The following CYB5RL variants were observed in gnomAD, a reference collection of about 807,000 sequenced individuals.
CYB5RL encodes the protein NADH-cytochrome b5 reductase-like.
In CYB5RL, 38 loss-of-function variants were observed where a neutral mutation model predicts 37.5. The observed-to-expected ratio is 1.01, with a 90% confidence interval of 0.78 to 1.33. The LOEUF (loss-of-function observed/expected upper bound fraction) is 1.33. CYB5RL is among the 40% of genes most tolerant of loss of function. The pLI is 0.00. For synonymous variants in CYB5RL, 141 were observed against 151.9 expected (o/e 0.93, Z 0.53); for missense variants, 388 against 394.4 (o/e 0.98, Z 0.14).
chr1:54,190,731 C>T lies in CYB5RL; in HGVS notation c.347+17G>A, dbSNP rs751374326. On this transcript the variant is annotated intron_variant, in intron 4 of 7. Coordinates refer to ENST00000534324, the MANE Select transcript of CYB5RL (RefSeq NM_001031672.4). Reference sequence around the variant, plus strand: ...GCAGGGCTGTGAAGCTTTGGTCCTCCCGCTACCTGAGTGTACCGTAGGATG... The same window carrying T: ...GCAGGGCTGTGAAGCTTTGGTCCTCTCGCTACCTGAGTGTACCGTAGGATG... 3.2e-6 allele frequency: 5 copies of T among 1,551,758 alleles called. No homozygotes were observed. In the Admixed American group the frequency reaches 9.8e-5, roughly 30 times the overall value.
chr1:54,187,906 C>CACT, intron 4 of CYB5RL, 167 bp from the exon 5 acceptor site: 1 of 592,654 alleles, frequency 1.7e-6, no homozygotes, highest in East Asian at 2.9e-5. Flanking sequence ...TGAAACCCGT[C>CACT]ACTACTAAAA....
At position 54,199,975 on chromosome 1, in the gene CYB5RL, C is replaced by T; in HGVS notation, c.-223+1G>A. The T allele has an allele frequency of 2.0e-6, 1 of 502,536 alleles. No individual in the cohort carries two copies. The highest frequency in any genetic ancestry group is 2.9e-5 in the South Asian group (1 of 34,152). 31.1% of individuals were successfully genotyped at this position (502,536 alleles called of 1,614,324 possible). On this transcript the variant is annotated splice_donor_variant, in intron 1 of 7. Coordinates refer to ENST00000534324, the MANE Select transcript of CYB5RL (RefSeq NM_001031672.4). LOFTEE classifies it low-confidence loss of function (5UTR_SPLICE). The stretch of plus-strand genomic sequence containing the variant: ...ATTCTCCACCCACCACGACCACTCA[C>T]CTACTCGCCTGCGCTTCACCTCACG...
chr1:54,197,312 C>CTTT (rs199620217), intron 1 of CYB5RL, among the ~76,000 whole-genome samples: 7,306 of 128,456 alleles, frequency 0.057, 291 homozygotes, highest in Non-Finnish European at 0.082. Flanking sequence ...TTTTTCTTTT[C>CTTT]TTTTCTTTTT....
intron 5 of CYB5RL, among the ~76,000 whole-genome samples, chr1:54,186,791 C>T (rs1288549729): frequency 2.0e-5 from 3 of 151,990 alleles, no homozygotes; most frequent in African/African-American, 7.3e-5. Context: ...GGAGGCAGTG[C>T]TGAGGTCTCG....
intron 1 of CYB5RL, among the ~76,000 whole-genome samples, chr1:54,198,630 C>CTT (rs145616563): frequency 0.033 from 3,450 of 103,840 alleles, 340 homozygotes; most frequent in African/African-American, 0.1. Context: ...CATGCCCGGC[C>CTT]TTTTTTTTTT....
intron 6 of CYB5RL, chr1:54,180,312 C>A (rs1408532615): frequency 8.0e-6 from 3 of 375,840 alleles, no homozygotes; most frequent in Non-Finnish European, 1.5e-5. Context: ...GAATCTATTT[C>A]CAGGCTCTAG....
At chr1:54,185,563 C>T (rs1311933630) in intron 5 of CYB5RL, 1 of 152,254 alleles carries the variant, frequency 6.6e-6, no homozygotes, top group Non-Finnish European at 1.5e-5. Context: ...ATGGCCATCT[C>T]TGATATCATC....
intron 6 of CYB5RL, among the ~76,000 whole-genome samples, chr1:54,182,832 C>T (rs1355090825): frequency 2.0e-5 from 3 of 152,144 alleles, no homozygotes; most frequent in Non-Finnish European, 2.9e-5. Flanking sequence ...GGATTACAGG[C>T]GTGAGCCACT....
In CYB5RL at chr1:54,170,763, C is replaced by A; in HGVS notation, c.*3856G>T. On this transcript the variant is annotated 3_prime_UTR_variant, in exon 8 of 8. Coordinates refer to ENST00000534324, the MANE Select transcript of CYB5RL (RefSeq NM_001031672.4). ...GTTGCACTCATGTGTCACACACAAC[C>A]TTTACCACAATCACATGCTGGAACT... is the stretch of plus-strand genomic sequence containing the variant. 1.1e-5 allele frequency: 3 copies of A among 270,286 alleles called. No homozygotes were observed. The highest frequency in any genetic ancestry group is 4.3e-5 in the South Asian group (1 of 23,016). The allele number at this position is 270,286 out of a possible 1,614,324, so 16.7% of individuals were successfully genotyped here. A position where few individuals can be genotyped will look rare whatever the true frequency, so the allele number is the denominator to read the frequency against.
At chr1:54,199,718 A>T (rs1449625234) in intron 1 of CYB5RL, among the ~76,000 whole-genome samples, 1 of 152,206 alleles carries the variant, frequency 6.6e-6, no homozygotes, top group Non-Finnish European at 1.5e-5. Context: ...AGAGGTGTAC[A>T]GTGAGCAGTC....
At chr1:54,187,618 C>T (rs61775225) in intron 5 of CYB5RL, 34 bp downstream of exon 5, 149,439 of 1,595,166 alleles carry the variant, frequency 0.094, 7,767 homozygotes, top group South Asian at 0.11. Flanking sequence ...AGCTTCTCCA[C>T]GGCATCTTGG....
At chr1:54,186,806 C>G (rs1226721607) in intron 5 of CYB5RL, among the ~76,000 whole-genome samples, 5 of 151,764 alleles carry the variant, frequency 3.3e-5, no homozygotes, top group Non-Finnish European at 5.9e-5. Context: ...GTCTCGGTGT[C>G]AGGGGGCAGG....
rs778473346 is a variant in CYB5RL at position 54,179,266 on chromosome 1, G to A, written c.627C>T (p.Asp209=). 1.2e-5 allele frequency: 20 copies of A among 1,613,700 alleles called. No homozygotes were observed. The highest frequency in any genetic ancestry group is 6.7e-5 in the East Asian group (3 of 44,878). The change falls in exon 7 of 8, where the codon GAC becomes GAT. Residue 209 remains aspartate, a synonymous_variant. Transcript: ENST00000534324. The stretch of plus-strand genomic sequence containing the variant: ...AACCGACCAGAGTGACAAAAGTCTC[G>A]TCATTCTCATTGTCTGTGATGCTCT... ...ILQSITDNEN[D]ETFVTLVGCF...
rs1357885079 is a variant in CYB5RL, at chr1:54,170,792, G to C, written c.*3827C>G. ...ACCACAATCACATGCTGGAACTTGT[G>C]TATCCCTACATGACCTTGGAAAATC... is the stretch of plus-strand genomic sequence containing the variant. On this transcript the variant is annotated 3_prime_UTR_variant, in exon 8 of 8. Coordinates refer to ENST00000534324, the MANE Select transcript of CYB5RL (RefSeq NM_001031672.4). 1 of 280,070 alleles carries C rather than the reference G, an allele frequency of 3.6e-6. No homozygotes were observed. The highest frequency in any genetic ancestry group is 7.1e-6 in the Non-Finnish European group (1 of 140,870). The allele number at this position is 280,070 out of a possible 1,614,324, so 17.3% of individuals were successfully genotyped here.
At position 54,195,568 on chromosome 1, in the gene CYB5RL, G is replaced by A. The variant is rs1161861388; in HGVS notation, c.49C>T (p.Gln17Ter). Residue 17 changes from glutamine (Q) to a stop codon, truncating the protein, a stop_gained, in exon 3 of 8, where the codon CAG becomes TAG. Coordinates refer to ENST00000534324, the MANE Select transcript of CYB5RL (RefSeq NM_001031672.4). LOFTEE classifies it high-confidence loss of function. ...EDDDTEEAWMQLRPTEPLPSQ... is the reference protein window; with the variant it reads ...EDDDTEEAWM ...GGCAAGGGTTCTGTGGGCCGTAGCT[G>A]CATCCAGGCTTCCTCAGTGTCGTCG... 1.2e-6 allele frequency: 2 copies of A among 1,613,580 alleles called. No homozygotes were observed. Among genetic ancestry groups the A allele is most frequent in the Non-Finnish European group, 1.7e-6 (2 of 1,179,594 alleles).
chr1:54,198,434 A>G (rs1386413785), intron 1 of CYB5RL, among the ~76,000 whole-genome samples: 1 of 149,368 alleles, frequency 6.7e-6, no homozygotes, highest in Non-Finnish European at 1.5e-5. Flanking sequence ...CCGGGTTCAC[A>G]TCATTCTCTT....
At chr1:54,190,150 G>C (rs1643937777) in intron 4 of CYB5RL, among the ~76,000 whole-genome samples, 1 of 152,204 alleles carries the variant, frequency 6.6e-6, no homozygotes, top group Non-Finnish European at 1.5e-5. Context: ...GGCAGGGGTG[G>C]GGACTGGGGT....
chr1:54,177,189 G>A (rs1660042504), intron 7 of CYB5RL, among the ~76,000 whole-genome samples: 1 of 152,148 alleles, frequency 6.6e-6, no homozygotes, highest in Admixed American at 6.5e-5. Context: ...CTTTAGGACT[G>A]CAGGAGGCAG....
rs554177284 is a variant in CYB5RL at position 54,181,370 on chromosome 1, C to A, written c.541-2018G>T. Among the ~76,000 whole-genome samples the A allele has an allele frequency of 5.1e-4, 78 of 152,372 alleles. 3 individuals carry two copies. The South Asian group carries it at 0.015, about 30-fold the overall frequency. ...TCTGGAGAACAGGGGACTCATCTGA[C>A]CCATCTCTAGGTCCCCAGAGTCCCC... On this transcript the variant is annotated intron_variant, in intron 6 of 7. Transcript: ENST00000534324.
Sources: allele counts gnomAD v4.1 joint callset (sites outside exome capture counted in the v4.1 genomes callset), GRCh38; gene constraint gnomAD v4.1.1; transcripts MANE v1.5; gene names NCBI Gene and HGNC (gene_info 2026-07-23, HGNC 2026-07-21).